Variants in TMEM132B observed in about 807,000 individuals in gnomAD.
TMEM132B encodes the protein transmembrane protein 132B.
TMEM132B carries 18 observed loss-of-function variants against 90.8 expected under a neutral mutation model. That is an observed-to-expected ratio of 0.20 (90% CI 0.14 to 0.29). TMEM132B has a LOEUF of 0.29. Among genes scored for constraint, TMEM132B ranks in the 10% least tolerant of loss-of-function variants. The pLI is 1.00. For synonymous variants in TMEM132B, 504 were observed against 523.3 expected (o/e 0.96, Z 0.50); for missense variants, 1,096 against 1,326.8 (o/e 0.83, Z 2.70).
intron 2 of TMEM132B, among the ~76,000 whole-genome samples, chr12:125,352,833 C>T (rs1183113267): frequency 6.6e-6 from 1 of 152,194 alleles, no homozygotes; most frequent in Admixed American, 6.5e-5. Flanking sequence ...CAACAGGATT[C>T]CGAGGCTCTG....
At chr12:125,201,349 A>G (rs961295021) in intron 1 of TMEM132B, among the ~76,000 whole-genome samples, 1 of 152,282 alleles carries the variant, frequency 6.6e-6, no homozygotes, top group African/African-American at 2.4e-5. Flanking sequence ...AGAGCACAGT[A>G]TGAGGGAGAA....
At chr12:125,526,447 G>C (rs573558989) in intron 4 of TMEM132B, among the ~76,000 whole-genome samples, 18 of 152,346 alleles carry the variant, frequency 1.2e-4, no homozygotes, top group African/African-American at 4.3e-4. Context: ...GGCATACACA[G>C]ATGCTGGGGG....
intron 5 of TMEM132B, among the ~76,000 whole-genome samples, chr12:125,608,986 G>C (rs993578414): frequency 8.5e-5 from 13 of 152,154 alleles, no homozygotes; most frequent in African/African-American, 2.4e-5. Context: ...GAGGCCTCAG[G>C]CAACTTACAA....
intron 3 of TMEM132B, among the ~76,000 whole-genome samples, chr12:125,451,201 G>A (rs1197864780): frequency 1.3e-5 from 2 of 152,142 alleles, no homozygotes; most frequent in East Asian, 3.9e-4. Context: ...TTAGATATAA[G>A]TATTGTATAA....
chr12:125,648,223 G>A (rs967102357), intron 6 of TMEM132B, among the ~76,000 whole-genome samples: 12 of 152,066 alleles, frequency 7.9e-5, no homozygotes, highest in African/African-American at 2.7e-4. Context: ...TCCCTACAAA[G>A]GACATGAACT....
intron 1 of TMEM132B, among the ~76,000 whole-genome samples, chr12:125,252,788 C>G (rs535011255): frequency 6.6e-6 from 1 of 152,268 alleles, no homozygotes; most frequent in East Asian, 1.9e-4. Context: ...CCCACAGTTC[C>G]TCCCCGTTTC....
intron 1 of TMEM132B, among the ~76,000 whole-genome samples, chr12:125,295,688 G>C (rs964617524): frequency 2.6e-5 from 4 of 152,084 alleles, no homozygotes; most frequent in African/African-American, 9.7e-5. Context: ...TGCCCAAAGC[G>C]TAGGAGGCAG....
chr12:125,440,789 G>A (rs564773208), intron 3 of TMEM132B, among the ~76,000 whole-genome samples: 1 of 152,180 alleles, frequency 6.6e-6, no homozygotes, highest in East Asian at 1.9e-4. Flanking sequence ...AAAATATCAG[G>A]AGATCTGACT....
At chr12:125,259,550 CT>C (rs1211737239) in intron 1 of TMEM132B, among the ~76,000 whole-genome samples, 1 of 152,176 alleles carries the variant, frequency 6.6e-6, no homozygotes, top group Non-Finnish European at 1.5e-5. Flanking sequence ...GCCGTTGGGT[CT>C]TTTAAATGAA....
At chr12:125,611,172 G>A (rs558768497) in intron 5 of TMEM132B, among the ~76,000 whole-genome samples, 41 of 151,824 alleles carry the variant, frequency 2.7e-4, no homozygotes, top group African/African-American at 8.2e-4. Flanking sequence ...CTTAGGTTAC[G>A]CAATCTGTTT....
chr12:125,308,018 ATAAG>A (rs989449594), intron 1 of TMEM132B, among the ~76,000 whole-genome samples: 13 of 140,160 alleles, frequency 9.3e-5, no homozygotes, highest in Admixed American at 2.9e-4. Context: ...ATAAGTATAT[ATAAG>A]TAATACAAGT....
intron 5 of TMEM132B, among the ~76,000 whole-genome samples, chr12:125,632,962 A>T (rs1048393178): frequency 6.6e-6 from 1 of 151,866 alleles, no homozygotes; most frequent in African/African-American, 2.4e-5. Flanking sequence ...CTCTGTTATT[A>T]TCCCTCTAAA....
At position 125,398,059 on chromosome 12, in the gene TMEM132B, A is replaced by T. The variant is rs182307813; in HGVS notation, c.960-17472A>T. Among the ~76,000 whole-genome samples, 10 of 152,306 alleles carry T rather than the reference A, an allele frequency of 6.6e-5. No individual in the cohort carries two copies. In the South Asian group the frequency reaches 8.3e-4, roughly 13 times the overall value. ...AGGGTCCAGTTTGCTTGGAAAAGAT[A>T]TCATCGGCATTTGCATTGGGGGCAG... On this transcript the variant is annotated intron_variant, in intron 2 of 8. Transcript: ENST00000682704.
intron 2 of TMEM132B, among the ~76,000 whole-genome samples, chr12:125,362,805 G>A (rs1878002200): frequency 6.6e-6 from 1 of 152,180 alleles, no homozygotes; most frequent in East Asian, 1.9e-4. Flanking sequence ...ACAATAATCT[G>A]CAACAATACA....
intron 3 of TMEM132B, among the ~76,000 whole-genome samples, chr12:125,463,899 G>T (rs1339563305): frequency 6.6e-6 from 1 of 152,200 alleles, no homozygotes; most frequent in Non-Finnish European, 1.5e-5. Context: ...GGCGGAAGGT[G>T]AAGGAGAAGC....
intron 3 of TMEM132B, among the ~76,000 whole-genome samples, chr12:125,468,166 A>G (rs1382542501): frequency 6.6e-6 from 1 of 152,140 alleles, no homozygotes; most frequent in Admixed American, 6.5e-5. Context: ...TCTATGTTTA[A>G]CTTTTTGAGG....
intron 4 of TMEM132B, among the ~76,000 whole-genome samples, chr12:125,532,655 T>C (rs2136700012): frequency 6.6e-6 from 1 of 152,028 alleles, no homozygotes; most frequent in Non-Finnish European, 1.5e-5. Context: ...GCTGGGATTA[T>C]AGGTGTGCGC....
intron 1 of TMEM132B, among the ~76,000 whole-genome samples, chr12:125,271,896 T>C (rs1447359950): frequency 1.3e-5 from 2 of 152,158 alleles, no homozygotes; most frequent in Non-Finnish European, 2.9e-5. Flanking sequence ...ATATGATTAT[T>C]TTAAAAGCAG....
chr12:125,446,696 C>T (rs1251568203), intron 3 of TMEM132B, among the ~76,000 whole-genome samples: 1 of 152,082 alleles, frequency 6.6e-6, no homozygotes, highest in Non-Finnish European at 1.5e-5. Context: ...TTTCTTTGTC[C>T]TCTCCAGTTC....
Sources: gnomAD v4.1 joint callset for allele counts (sites outside exome capture counted in the v4.1 genomes callset) on GRCh38, gnomAD v4.1.1 for gene constraint, MANE v1.5 for transcripts, NCBI Gene and HGNC (gene_info 2026-07-23, HGNC 2026-07-21) for gene names.